Variants in LRMDA observed in about 807,000 individuals in gnomAD.
The protein encoded by LRMDA is leucine rich melanocyte differentiation associated.
Under a neutral mutation model 29.8 loss-of-function variants are expected in LRMDA, and 18 were observed. The ratio of observed to expected loss-of-function variants is 0.60; its 90% CI spans 0.42 to 0.90. The LOEUF (loss-of-function observed/expected upper bound fraction) is 0.90. Among genes scored for constraint, LRMDA ranks in the 40% least tolerant of loss-of-function variants. LRMDA has a pLI of 0.00. For synonymous variants in LRMDA, 125 were observed against 109.4 expected, an observed-to-expected ratio of 1.14 and a Z score of -0.89; for missense variants, 273 against 273.9, an observed-to-expected ratio of 1.00 and a Z score of 0.02.
intron 6 of LRMDA, among the ~76,000 whole-genome samples, chr10:76,428,198 G>T (rs1299788064): frequency 6.6e-6 from 1 of 152,088 alleles, no homozygotes; most frequent in Non-Finnish European, 1.5e-5. Flanking sequence ...AGTCTTTAGT[G>T]CTTTCTTCTA....
At position 76,132,959 on chromosome 10, in the gene LRMDA, C is replaced by G. The variant is rs541585603; in HGVS notation, c.516+74176C>G. Among the ~76,000 whole-genome samples the G allele has an allele frequency of 2.1e-4, 30 of 145,136 alleles. No individual in the cohort carries two copies. The East Asian group carries it at 5.8e-3, about 28-fold the overall frequency. On this transcript the variant is annotated intron_variant, in intron 5 of 6. Transcript: ENST00000611255. ...CTGGGACTACAGGCATCCACCACCA[C>G]GCCCGGCTTTTTTTTTTTTTTTTTT... is the stretch of plus-strand genomic sequence containing the variant.
intron 2 of LRMDA, among the ~76,000 whole-genome samples, chr10:75,737,709 G>A (rs1468146832): frequency 6.6e-6 from 1 of 152,086 alleles, no homozygotes; most frequent in African/African-American, 2.4e-5. Flanking sequence ...GCTGTTCTTC[G>A]GTGCTGATAA....
chr10:76,363,304 G>GAAGGAAGGGAGT (rs1841351928), intron 6 of LRMDA, among the ~76,000 whole-genome samples: 1 of 89,018 alleles, frequency 1.1e-5, no homozygotes, highest in Non-Finnish European at 2.4e-5. Context: ...AGGAAGGGAG[G>GAAGGAAGGGAGT]AAGGGAGGAA....
At chr10:75,792,105 G>C (rs780921734) in intron 2 of LRMDA, among the ~76,000 whole-genome samples, 2 of 151,808 alleles carry the variant, frequency 1.3e-5, no homozygotes, top group East Asian at 3.9e-4. Context: ...GTGATCCCCC[G>C]CCTCGGCCTC....
intron 6 of LRMDA, among the ~76,000 whole-genome samples, chr10:76,325,570 G>A (rs1395005397): frequency 6.6e-6 from 1 of 152,090 alleles, no homozygotes; most frequent in Admixed American, 6.5e-5. Flanking sequence ...GACTGTTTTT[G>A]GGGGAATTTC....
At chr10:76,379,583 A>T (rs1841565094) in intron 6 of LRMDA, among the ~76,000 whole-genome samples, 1 of 151,636 alleles carries the variant, frequency 6.6e-6, no homozygotes, top group South Asian at 2.1e-4. Flanking sequence ...ATCACTTCTG[A>T]TTGTGCTTAT....
intron 2 of LRMDA, among the ~76,000 whole-genome samples, chr10:75,966,705 T>C (rs1589270154): frequency 6.6e-6 from 1 of 152,324 alleles, no homozygotes; most frequent in Admixed American, 6.5e-5. Context: ...CTGAGGGGAA[T>C]GTAGGAAAGA....
chr10:75,878,084 C>T (rs1329818454), intron 2 of LRMDA, among the ~76,000 whole-genome samples: 5 of 152,162 alleles, frequency 3.3e-5, no homozygotes. Context: ...ATGTTTACAG[C>T]TCTTGAAGCC....
At chr10:76,458,532 G>A (rs796277025) in intron 6 of LRMDA, among the ~76,000 whole-genome samples, 7 of 152,322 alleles carry the variant, frequency 4.6e-5, no homozygotes, top group African/African-American at 1.7e-4. Flanking sequence ...TTTCCTGGCA[G>A]TGGTACCTGA....
rs556155526 is a variant in LRMDA, at chr10:76,288,344, C to A, written c.517-36057C>A. Among the ~76,000 whole-genome samples the A allele has an allele frequency of 2.6e-5, 4 of 152,212 alleles. No individual in the cohort carries two copies. In the East Asian group the frequency reaches 7.8e-4, roughly 29 times the overall value. On this transcript the variant is annotated intron_variant, in intron 5 of 6. Transcript: ENST00000611255. ...TAAAAGACACATGCACGTGTGTGTT[C>A]ATCTCAGCACATTTCATAATAGCAA...
chr10:76,392,717 G>A (rs1224973319), intron 6 of LRMDA, among the ~76,000 whole-genome samples: 1 of 151,944 alleles, frequency 6.6e-6, no homozygotes, highest in East Asian at 1.9e-4. Flanking sequence ...TATACTCTTA[G>A]TAATTTTCAA....
intron 2 of LRMDA, among the ~76,000 whole-genome samples, chr10:75,604,563 A>G (rs974647649): frequency 2.6e-5 from 4 of 152,158 alleles, no homozygotes; most frequent in East Asian, 1.9e-4. Flanking sequence ...TGTTGCTTAC[A>G]CAAGTTTATG....
At chr10:75,952,064 G>A (rs1312009810) in intron 2 of LRMDA, among the ~76,000 whole-genome samples, 1 of 152,152 alleles carries the variant, frequency 6.6e-6, no homozygotes, top group African/African-American at 2.4e-5. Flanking sequence ...TGGAGCCCAG[G>A]AGTCACCCCG....
At chr10:75,550,499 T>A (rs188562109) in intron 2 of LRMDA, among the ~76,000 whole-genome samples, 1 of 152,264 alleles carries the variant, frequency 6.6e-6, no homozygotes, top group East Asian at 1.9e-4. Context: ...TTTTGTGTAA[T>A]GTTTGTGTTG....
At chr10:75,792,496 C>T (rs866347854) in intron 2 of LRMDA, among the ~76,000 whole-genome samples, 1 of 152,172 alleles carries the variant, frequency 6.6e-6, no homozygotes, top group African/African-American at 2.4e-5. Context: ...ATCTGCTGAC[C>T]TCATGATCCA....
intron 6 of LRMDA, among the ~76,000 whole-genome samples, chr10:76,363,143 AAG>A: frequency 2.9e-5 from 1 of 34,888 alleles, no homozygotes; most frequent in Non-Finnish European, 6.0e-5. Context: ...GAAAGAAAGA[AAG>A]AAAGAAAGAA....
chr10:76,507,649 T>C (rs1425949156), intron 6 of LRMDA, among the ~76,000 whole-genome samples: 1 of 152,150 alleles, frequency 6.6e-6, no homozygotes, highest in Non-Finnish European at 1.5e-5. Flanking sequence ...AAGTTTTTAA[T>C]CCATTTTTAT....
At chr10:76,089,950 TATG>T (rs1849203678) in intron 5 of LRMDA, among the ~76,000 whole-genome samples, 1 of 152,202 alleles carries the variant, frequency 6.6e-6, no homozygotes, top group Non-Finnish European at 1.5e-5. Flanking sequence ...ACGGGTTGGT[TATG>T]ATGTTTTCAG....
intron 2 of LRMDA, among the ~76,000 whole-genome samples, chr10:75,633,391 A>G (rs980444407): frequency 3.3e-5 from 5 of 152,194 alleles, no homozygotes; most frequent in African/African-American, 7.2e-5. Flanking sequence ...TAGTGTTTGT[A>G]TGAATTTGAG....
Sources: gnomAD v4.1 joint callset for allele counts (sites outside exome capture counted in the v4.1 genomes callset) on GRCh38, gnomAD v4.1.1 for gene constraint, MANE v1.5 for transcripts, NCBI Gene and HGNC (gene_info 2026-07-23, HGNC 2026-07-21) for gene names.